LARS2: variants seen among roughly 807,000 people sequenced by gnomAD.
The protein encoded by LARS2 is leucine--tRNA ligase, mitochondrial.
A neutral mutation model predicts 116.6 loss-of-function variants in LARS2; 81 were observed. That is an observed-to-expected ratio of 0.69 (90% CI 0.58 to 0.84). The LOEUF is 0.84. Ranked by LOEUF, LARS2 falls within the 40% of genes least tolerant of loss-of-function variation. The probability of loss-of-function intolerance (pLI) is 0.00; values close to 1 mark genes in which losing one functional copy is unlikely to be tolerated. For synonymous variants in LARS2, 396 were observed against 407.2 expected (o/e 0.97, Z 0.33); for missense variants, 968 against 1,114.5 (o/e 0.87, Z 1.87).
At chr3:45,433,221 T>C (rs900577180) in intron 6 of LARS2, among the ~76,000 whole-genome samples, 1 of 152,116 alleles carries the variant, frequency 6.6e-6, no homozygotes, top group Non-Finnish European at 1.5e-5. Flanking sequence ...CAATCTCTTT[T>C]AATTGGCATG....
At chr3:45,524,990 A>G (rs1268216098) in intron 20 of LARS2, among the ~76,000 whole-genome samples, 1 of 152,244 alleles carries the variant, frequency 6.6e-6, no homozygotes, top group Non-Finnish European at 1.5e-5. Context: ...TATAGTTGAC[A>G]GAGTATTGCC....
chr3:45,481,520 G>T (rs1001109597), intron 10 of LARS2, among the ~76,000 whole-genome samples: 5 of 152,132 alleles, frequency 3.3e-5, no homozygotes, highest in African/African-American at 1.2e-4. Context: ...CTTATTGTCT[G>T]TGGTCATTTT....
At chr3:45,547,137 G>A (rs867138499) in intron 21 of LARS2, among the ~76,000 whole-genome samples, 2 of 152,136 alleles carry the variant, frequency 1.3e-5, no homozygotes, top group Admixed American at 6.5e-5. Context: ...TCTCAGTGTC[G>A]GTCTCTTTCT....
chr3:45,415,875 ATAGAGAGAGAGAGAGAGG>A (rs1162613744), intron 4 of LARS2, among the ~76,000 whole-genome samples: 2 of 124,082 alleles, frequency 1.6e-5, no homozygotes, highest in African/African-American at 7.5e-5. Flanking sequence ...ATATATATAT[ATAGAGAGAGAGAGAGAGG>A]GAGAGAGAGA....
chr3:45,514,464 A>G (rs1354536511), intron 16 of LARS2, among the ~76,000 whole-genome samples: 1 of 152,192 alleles, frequency 6.6e-6, no homozygotes, highest in Non-Finnish European at 1.5e-5. Context: ...TGGGAGAAAA[A>G]GAAGCTGGAG....
At chr3:45,392,059 A>G (rs1229290424) in intron 2 of LARS2, among the ~76,000 whole-genome samples, 2 of 152,188 alleles carry the variant, frequency 1.3e-5, no homozygotes, top group Admixed American at 1.3e-4. Context: ...AAGGTATGAA[A>G]GTATTGACTT....
rs1025590366 is a variant in LARS2 at position 45,476,662 on chromosome 3, T to C, written c.1018+35T>C. 2.5e-6 allele frequency: 4 copies of C among 1,606,938 alleles called. No homozygotes were observed. In the African/African-American group the frequency reaches 5.3e-5, roughly 21 times the overall value. On this transcript the variant is annotated intron_variant, in intron 10 of 21. Transcript: ENST00000645846. ...CAAGTTAACGGCTCAGGTGGTAGGA[T>C]TGCTACCTTACATTTGGATGGCGCC... is the stretch of plus-strand genomic sequence containing the variant.
At chr3:45,454,787 C>A (rs1699187679) in intron 7 of LARS2, among the ~76,000 whole-genome samples, 1 of 152,072 alleles carries the variant, frequency 6.6e-6, no homozygotes, top group Admixed American at 6.5e-5. Flanking sequence ...TATGGAAATC[C>A]AGGATTGCTG....
chr3:45,429,432 C>T (rs1698654298), intron 6 of LARS2, among the ~76,000 whole-genome samples: 1 of 152,180 alleles, frequency 6.6e-6, no homozygotes, highest in African/African-American at 2.4e-5. Context: ...AGGCTGCTTG[C>T]ATTTCTTCTC....
Position 45,547,985 on chromosome 3 carries a change from G to T in LARS2, c.*455G>T, listed in dbSNP as rs1348572577. On this transcript the variant is annotated 3_prime_UTR_variant, in exon 22 of 22. Coordinates refer to ENST00000645846, the MANE Select transcript of LARS2 (RefSeq NM_015340.4). ...TCAGGTGCAATGTGCCAGCCACTTG[G>T]AACTGCTAACTGAGCCTCCAGATGG... 5 of 155,072 alleles carry T rather than the reference G, an allele frequency of 3.2e-5. No homozygotes were observed. The highest frequency in any genetic ancestry group is 1.2e-4 in the African/African-American group (5 of 41,622). The allele number at this position is 155,072 out of a possible 1,614,324, so 9.6% of individuals were successfully genotyped here.
intron 7 of LARS2, among the ~76,000 whole-genome samples, chr3:45,456,442 G>T (rs990350000): frequency 6.6e-6 from 1 of 152,252 alleles, no homozygotes; most frequent in South Asian, 2.1e-4. Flanking sequence ...AATTAGCTGG[G>T]CGTGGTGGTG....
chr3:45,444,821 A>G (rs974300583), intron 6 of LARS2, among the ~76,000 whole-genome samples: 1 of 150,774 alleles, frequency 6.6e-6, no homozygotes, highest in Non-Finnish European at 1.5e-5. Flanking sequence ...TGTTACATAT[A>G]TAATATATAT....
intron 7 of LARS2, among the ~76,000 whole-genome samples, chr3:45,456,821 A>G (rs1249446935): frequency 6.6e-6 from 1 of 152,202 alleles, no homozygotes; most frequent in Non-Finnish European, 1.5e-5. Context: ...TAAATTTTCC[A>G]ATGGGGGTAC....
intron 10 of LARS2, among the ~76,000 whole-genome samples, chr3:45,482,196 T>A (rs1328418609): frequency 6.6e-6 from 1 of 152,196 alleles, no homozygotes; most frequent in Non-Finnish European, 1.5e-5. Flanking sequence ...TCACAATTGT[T>A]TTTTAATCCA....
At chr3:45,526,970 C>A (rs1013768101) in intron 20 of LARS2, among the ~76,000 whole-genome samples, 1 of 152,038 alleles carries the variant, frequency 6.6e-6, no homozygotes, top group Non-Finnish European at 1.5e-5. Flanking sequence ...AACGTAGTTC[C>A]CAGCCAAGGG....
At chr3:45,466,103 C>T (rs1699420556) in intron 8 of LARS2, among the ~76,000 whole-genome samples, 1 of 152,166 alleles carries the variant, frequency 6.6e-6, no homozygotes, top group Non-Finnish European at 1.5e-5. Context: ...GGTATATGGA[C>T]AATGAAATAC....
At chr3:45,459,922 C>T (rs1401890984) in intron 8 of LARS2, among the ~76,000 whole-genome samples, 1 of 152,176 alleles carries the variant, frequency 6.6e-6, no homozygotes, top group Non-Finnish European at 1.5e-5. Context: ...TTGTCCCCTT[C>T]CATGGTGGCC....
chr3:45,393,027 C>T (rs373217605), intron 2 of LARS2, among the ~76,000 whole-genome samples: 105 of 152,196 alleles, frequency 6.9e-4, no homozygotes, highest in Middle Eastern at 3.4e-3. Context: ...TCACCTCAAC[C>T]CTTTGAATAG....
At chr3:45,525,471 A>G (rs1453562664) in intron 20 of LARS2, among the ~76,000 whole-genome samples, 1 of 152,250 alleles carries the variant, frequency 6.6e-6, no homozygotes, top group African/African-American at 2.4e-5. Flanking sequence ...TCAGGAACTA[A>G]TCCTAAAACC....
Sources: allele counts gnomAD v4.1 joint callset (sites outside exome capture counted in the v4.1 genomes callset), GRCh38; gene constraint gnomAD v4.1.1; transcripts MANE v1.5; gene names NCBI Gene and HGNC (gene_info 2026-07-23, HGNC 2026-07-21).